The following SBF1 variants were observed in gnomAD, a reference collection of about 807,000 sequenced individuals.
SBF1 encodes the protein SET binding factor 1, also known as myotubularin-related protein 5.
In SBF1, 65 loss-of-function variants were observed where a neutral mutation model predicts 215.8. That is an observed-to-expected ratio of 0.30 (90% CI 0.25 to 0.37). The LOEUF is 0.37. Ranked by LOEUF, SBF1 falls within the 10% of genes least tolerant of loss-of-function variation. The pLI, the probability that SBF1 is intolerant of heterozygous loss-of-function variation, is 1.00. For missense variants in SBF1, 2,634 were observed against 2,667.8 expected (o/e 0.99, Z 0.28); for synonymous variants, 1,410 against 1,122.8 (o/e 1.26, Z -5.11).
In SBF1 at chr22:50,459,612, G is replaced by A. The variant is rs766159965; in HGVS notation, c.3546C>T (p.Arg1182=). ...PQSVQDNALQ[R]VSRCYRQNRF... ...GGTTCTGGCGGTAGCAGCGGGACAC[G>A]CGCTGCAGGGCGTTGTCCTGGACAC... Residue 1182 remains arginine, a synonymous_variant, in exon 27 of 41, where the codon CGC becomes CGT. Transcript: ENST00000380817. The A allele has an allele frequency of 1.6e-5, 25 of 1,609,580 alleles. No individual in the cohort carries two copies. The highest frequency in any genetic ancestry group is 1.5e-4 in the South Asian group (14 of 90,884).
At chr22:50,454,966 C>G (rs1204594377) in intron 34 of SBF1, 22 bp from the exon 35 acceptor site, 1 of 1,613,838 alleles carries the variant, frequency 6.2e-7, no homozygotes, top group African/African-American at 1.3e-5. Flanking sequence ...CAGCACTGAG[C>G]CTGGGCCCCT....
chr22:50,463,588 C>G (rs1363244382), intron 15 of SBF1, among the ~76,000 whole-genome samples, 156 bp from the exon 16 acceptor site: 1 of 152,216 alleles, frequency 6.6e-6, no homozygotes, highest in Admixed American at 6.5e-5. Flanking sequence ...ACTAAAACCT[C>G]CAGTGGGCCC....
At chr22:50,449,656 A>ACACACACACACACACC (rs1026571113) in intron 36 of SBF1, among the ~76,000 whole-genome samples, 1 of 148,344 alleles carries the variant, frequency 6.7e-6, no homozygotes, top group Admixed American at 6.7e-5. Context: ...ACACACACAC[A>ACACACACACACACACC]CCCCAAAATG....
At chr22:50,465,160 G>C (rs766607348) in intron 11 of SBF1, 31 bp from the exon 12 acceptor site, 2 of 1,613,858 alleles carry the variant, frequency 1.2e-6, no homozygotes, top group South Asian at 2.2e-5. Flanking sequence ...GGTCCCTCAG[G>C]GGTCTCCACC....
intron 28 of SBF1, among the ~76,000 whole-genome samples, chr22:50,458,283 T>A (rs534736221): frequency 3.1e-5 from 4 of 129,072 alleles, no homozygotes; most frequent in African/African-American, 1.2e-4. Flanking sequence ...CCAGCGTGGG[T>A]GACAGAGAAA....
Position 50,447,410 on chromosome 22 carries a change from A to G in SBF1, c.5495T>C (p.Val1832Ala). 1 of 1,613,960 alleles carries G rather than the reference A, an allele frequency of 6.2e-7. No individual in the cohort carries two copies. Among genetic ancestry groups the G allele is most frequent in the Non-Finnish European group, 8.5e-7 (1 of 1,179,958 alleles). ...AGCCTCCACCTCCGCCAAGTCGATG[A>G]CACCCTTGCACTCTGTGTCCACACG... The part of the protein sequence containing the change: ...DHRVDTECKG[V>A]IDLAEVEAVA... Residue 1832 changes from valine (V) to alanine (A), a missense_variant, in exon 40 of 41, where the codon GTC becomes GCC. Val to Ala is a moderately conservative substitution (Grantham distance 64). Transcript: ENST00000380817.
Position 50,474,671 on chromosome 22 carries a change from C to T in SBF1, c.55+115G>A, listed in dbSNP as rs541746658. The T allele has an allele frequency of 4.1e-5, 34 of 831,124 alleles. No individual in the cohort carries two copies. The African/African-American group carries it at 6.2e-4, about 15-fold the overall frequency. The allele number at this position is 831,124 out of a possible 1,614,324, so 51.5% of individuals were successfully genotyped here. ...CGGCCCTCAGTCCTCGGCCTCCCGA[C>T]CCAGCCCCCAGCCCTCGGCCCCCAG... On this transcript the variant is annotated intron_variant, in intron 1 of 40. Coordinates refer to ENST00000380817, the MANE Select transcript of SBF1 (RefSeq NM_002972.4).
rs372953489 is a variant in SBF1, at chr22:50,454,463, C to A, written c.5043+49G>T. ...CACACGCACGACCCTGGTGTCTGAG[C>A]GAGAGGAGGGGGGTGCCAGGCCAGA... On this transcript the variant is annotated intron_variant, in intron 36 of 40. Coordinates refer to ENST00000380817, the MANE Select transcript of SBF1 (RefSeq NM_002972.4). 1.1e-5 allele frequency: 16 copies of A among 1,502,862 alleles called. No homozygotes were observed. The South Asian group carries it at 1.7e-4, about 16-fold the overall frequency. The allele number at this position is 1,502,862 out of a possible 1,614,324, so 93.1% of individuals were successfully genotyped here.
At position 50,455,269 on chromosome 22, in the gene SBF1, G is replaced by A. The variant is rs750351191; in HGVS notation, c.4509C>T (p.Ser1503=). The A allele has an allele frequency of 1.1e-5, 17 of 1,613,250 alleles. No individual in the cohort carries two copies. Among genetic ancestry groups the A allele is most frequent in the African/African-American group, 2.7e-5 (2 of 74,920 alleles). The change falls in exon 33 of 41, where the codon AGC becomes AGT. Residue 1503 remains serine (S), a synonymous_variant. Coordinates refer to ENST00000380817, the MANE Select transcript of SBF1 (RefSeq NM_002972.4). ...RGAHTLAGQS[S]GFTPVFLQFL... ...ACTGCAGGAAGACGGGTGTGAAGCC[G>A]CTGCTCTGCCCGGCCAGGGTGTGAG...
intron 16 of SBF1, 30 bp from the exon 17 acceptor site, chr22:50,462,968 C>G: frequency 1.3e-6 from 2 of 1,591,682 alleles, no homozygotes; most frequent in Non-Finnish European, 1.7e-6. Flanking sequence ...CCGTCAGGAC[C>G]TCTCCCCTCC....
chr22:50,468,525 A>AT, intron 1 of SBF1, 64 bp from the exon 2 acceptor site: 1 of 1,030,870 alleles, frequency 9.7e-7, no homozygotes, highest in Non-Finnish European at 1.3e-6. Flanking sequence ...AGGCTTGAGG[A>AT]TCCCAGGGTG....
chr22:50,447,728 C>T (rs2066889802), intron 38 of SBF1, 119 bp from the exon 39 acceptor site: 1 of 702,956 alleles, frequency 1.4e-6, no homozygotes, highest in Non-Finnish European at 2.4e-6. Context: ...CACCCTGTCC[C>T]CAGAACTGAC....
At chr22:50,471,524 G>A (rs1010604697) in intron 1 of SBF1, among the ~76,000 whole-genome samples, 2 of 152,222 alleles carry the variant, frequency 1.3e-5, no homozygotes, top group African/African-American at 4.8e-5. Flanking sequence ...GCCCTGGCCG[G>A]CTCTGCTGCT....
At chr22:50,450,563 A>C (rs935269428) in intron 36 of SBF1, among the ~76,000 whole-genome samples, 2 of 152,006 alleles carry the variant, frequency 1.3e-5, no homozygotes, top group Non-Finnish European at 2.9e-5. Flanking sequence ...CAAATTCTAG[A>C]GGAATGCTAA....
Position 50,460,715 on chromosome 22 carries a change from G to A in SBF1, c.2968-3C>T, listed in dbSNP as rs770457539. The A allele has an allele frequency of 5.6e-6, 9 of 1,612,214 alleles. No homozygotes were observed. The highest frequency in any genetic ancestry group is 5.5e-5 in the South Asian group (5 of 91,004). On this transcript the variant is annotated splice_region_variant and splice_polypyrimidine_tract_variant and intron_variant, in intron 23 of 40. Coordinates refer to ENST00000380817, the MANE Select transcript of SBF1 (RefSeq NM_002972.4). The stretch of plus-strand genomic sequence containing the variant: ...TCGTCAAAGGCCATTTTCAGCAGCT[G>A]TGTCAGTAAAAGCAGCCCTTAGGGG...
chr22:50,472,182 G>A (rs1350706780), intron 1 of SBF1, among the ~76,000 whole-genome samples: 1 of 152,178 alleles, frequency 6.6e-6, no homozygotes, highest in African/African-American at 2.4e-5. Context: ...ACTCTCTGAG[G>A]TGAAAGGGTC....
In SBF1 at chr22:50,448,251, G is replaced by C. The variant is rs1339467326; in HGVS notation, c.5345C>G (p.Thr1782Arg). 6.2e-7 allele frequency: 1 copy of C among 1,612,460 alleles called. No homozygotes were observed. Among genetic ancestry groups the C allele is most frequent in the African/African-American group, 1.3e-5 (1 of 74,910 alleles). The change falls in exon 38 of 41, where the codon ACA (threonine) becomes AGA (arginine). Residue 1782 changes from threonine to arginine, a missense_variant. Physicochemically the swap from Thr to Arg is moderately conservative, Grantham distance 71 (BLOSUM62 -1). Transcript: ENST00000380817. ...CTCATACCTGTTCTCACTCTCTGCT[G>C]TCTGGAACTGGCTGTACAGGGTGCT... ...STSTLYSQFQ[T>R]AESENRSYEG...
At chr22:50,459,702 C>A in intron 26 of SBF1, 36 bp from the exon 27 acceptor site, 2 of 1,549,476 alleles carry the variant, frequency 1.3e-6, no homozygotes, top group Admixed American at 2.0e-5. Flanking sequence ...TGGCTGGCGA[C>A]CCCACCCGCC....
intron 1 of SBF1, among the ~76,000 whole-genome samples, chr22:50,474,412 G>T (rs924047082): frequency 6.6e-6 from 1 of 152,230 alleles, no homozygotes; most frequent in Non-Finnish European, 1.5e-5. Context: ...GCTGGCCAAG[G>T]AGAGAGCCCG....
Sources: allele counts gnomAD v4.1 joint callset (sites outside exome capture counted in the v4.1 genomes callset), GRCh38; gene constraint gnomAD v4.1.1; transcripts MANE v1.5; gene names NCBI Gene and HGNC (gene_info 2026-07-23, HGNC 2026-07-21).